CAMTA1: variants seen among roughly 807,000 people sequenced by gnomAD.
The protein encoded by CAMTA1 is calmodulin-binding transcription activator 1.
CAMTA1 carries 27 observed loss-of-function variants against 170.9 expected under a neutral mutation model. The observed-to-expected ratio is 0.16, with a 90% CI of 0.12 to 0.22. The LOEUF is 0.22. Ranked by LOEUF, CAMTA1 falls within the 10% of genes least tolerant of loss-of-function variation. The pLI is 1.00. For missense variants in CAMTA1, 1,619 were observed against 2,217.2 expected, an observed-to-expected ratio of 0.73 and a Z score of 5.42; for synonymous variants, 833 against 891.5, an observed-to-expected ratio of 0.93 and a Z score of 1.17.
At chr1:7,352,555 T>C (rs889264161) in intron 5 of CAMTA1, among the ~76,000 whole-genome samples, 2 of 152,184 alleles carry the variant, frequency 1.3e-5, no homozygotes, top group Non-Finnish European at 2.9e-5. Flanking sequence ...TGATTTCCTC[T>C]CCAGGGCAGA....
At position 7,293,598 on chromosome 1, in the gene CAMTA1, T is replaced by G. The variant is rs1431413406; in HGVS notation, c.438+43972T>G. ...CAGTTTGTATAATTTGGTGGTCTGT[T>G]TTCATCTTTTACAAGCAAAATGCTT... On this transcript the variant is annotated intron_variant, in intron 5 of 22. Coordinates refer to ENST00000303635, the MANE Select transcript of CAMTA1 (RefSeq NM_015215.4). The surrounding 1 kb of genome is among the most constrained non-coding windows in gnomAD (Gnocchi z 4.1). Among the ~76,000 whole-genome samples, 1 of 152,200 alleles carries G rather than the reference T, an allele frequency of 6.6e-6. No homozygotes were observed. Among genetic ancestry groups the G allele is most frequent in the Non-Finnish European group, 1.5e-5 (1 of 68,038 alleles).
At chr1:7,542,814 G>A (rs1000456689) in intron 6 of CAMTA1, among the ~76,000 whole-genome samples, 2 of 148,410 alleles carry the variant, frequency 1.3e-5, no homozygotes, top group African/African-American at 4.9e-5. Flanking sequence ...ACAGGTGTAA[G>A]CCACCACGCC....
At chr1:7,743,717 T>G (rs2096834942) in intron 16 of CAMTA1, among the ~76,000 whole-genome samples, 1 of 152,126 alleles carries the variant, frequency 6.6e-6, no homozygotes, top group Non-Finnish European at 1.5e-5. Flanking sequence ...GTGTTTCAGT[T>G]ACCACTCCTA....
chr1:7,284,156 CTTCTTCTTCTTCTTCTTCTTCTTATTA>C lies in CAMTA1; in HGVS notation c.438+34533_438+34559del, dbSNP rs1484974242. Among the ~76,000 whole-genome samples, 226 of 114,768 alleles carry C rather than the reference CTTCTTCTTCTTCTTCTTCTTCTTATTA, an allele frequency of 2.0e-3. 3 individuals carry two copies. Among genetic ancestry groups the C allele is most frequent in the African/African-American group, 7.6e-3 (217 of 28,414 alleles). 75.3% of individuals were successfully genotyped at this position (114,768 alleles called of 152,430 possible). On this transcript the variant is annotated intron_variant, in intron 5 of 22. Transcript: ENST00000303635. The stretch of plus-strand genomic sequence containing the variant: ...TCTTCTTCTTCTTCTTCTTCTTCTT[CTTCTTCTTCTTCTTCTTCTTCTTATTA>C]TTATTATTATTATTATTATTATTAT...
In CAMTA1 at chr1:7,228,055, T is replaced by A. The variant is rs192963345; in HGVS notation, c.303-21436T>A. 3.3e-5 allele frequency among the ~76,000 whole-genome samples: 5 copies of A among 152,348 alleles called. No individual in the cohort carries two copies. The East Asian group carries it at 9.6e-4, about 29-fold the overall frequency. ...TTCTATGAAATGATATGTCTGACAT[T>A]TACCAAATTTTTATGTGACAATTTA... On this transcript the variant is annotated intron_variant, in intron 4 of 22. Transcript: ENST00000303635.
chr1:7,453,965 G>T (rs796485687), intron 5 of CAMTA1, among the ~76,000 whole-genome samples: 151 of 152,382 alleles, frequency 9.9e-4, no homozygotes, highest in African/African-American at 3.6e-3. Flanking sequence ...GGTTGGTTCT[G>T]AAGAGAGCTG....
At chr1:7,753,594 T>G (rs947127448) in intron 21 of CAMTA1, among the ~76,000 whole-genome samples, 1 of 152,252 alleles carries the variant, frequency 6.6e-6, no homozygotes, top group African/African-American at 2.4e-5. Context: ...TATCTTGCCT[T>G]TAAGACTTAA....
At chr1:7,341,469 A>T (rs1051758071) in intron 5 of CAMTA1, among the ~76,000 whole-genome samples, 2 of 152,246 alleles carry the variant, frequency 1.3e-5, no homozygotes, top group African/African-American at 4.8e-5. Context: ...ATCTAAGAGC[A>T]AACAAAGTAG....
At chr1:7,107,472 C>G (rs544038937) in intron 4 of CAMTA1, among the ~76,000 whole-genome samples, 2 of 152,182 alleles carry the variant, frequency 1.3e-5, no homozygotes, top group East Asian at 3.9e-4. Context: ...TCGGGAGAGA[C>G]AATGCTTGGG....
intron 5 of CAMTA1, among the ~76,000 whole-genome samples, chr1:7,367,552 G>C (rs1362583536): frequency 7.2e-5 from 11 of 152,244 alleles, no homozygotes; most frequent in Admixed American, 7.2e-4. Flanking sequence ...GATTGAGATG[G>C]CACCTTTGGA....
intron 3 of CAMTA1, among the ~76,000 whole-genome samples, chr1:6,987,371 G>T (rs1466720514): frequency 6.6e-6 from 1 of 152,176 alleles, no homozygotes; most frequent in East Asian, 1.9e-4. Flanking sequence ...CACCATGTTG[G>T]CCAGGCTGGT....
intron 3 of CAMTA1, among the ~76,000 whole-genome samples, chr1:6,995,295 C>CTTTTCTTTTTTTTTTTTTTTT (rs1697047615): frequency 9.9e-5 from 6 of 60,618 alleles, no homozygotes; most frequent in South Asian, 1.6e-3. Context: ...TTTTTCTTTT[C>CTTTTCTTTTTTTTTTTTTTTT]TTTTTTTTTT....
intron 5 of CAMTA1, among the ~76,000 whole-genome samples, chr1:7,287,055 A>C (rs926019259): frequency 1.3e-4 from 20 of 152,242 alleles, no homozygotes; most frequent in African/African-American, 4.8e-4. Context: ...TCTAGCAGAG[A>C]TCAGCTGCCT....
intron 3 of CAMTA1, among the ~76,000 whole-genome samples, chr1:7,034,351 T>G (rs1427274356): frequency 2.0e-5 from 3 of 152,190 alleles, no homozygotes; most frequent in African/African-American, 7.2e-5. Flanking sequence ...GAGGGGGCTT[T>G]CACCATCTTG....
intron 11 of CAMTA1, among the ~76,000 whole-genome samples, chr1:7,687,384 G>A (rs1037948146): frequency 6.6e-6 from 1 of 152,082 alleles, no homozygotes; most frequent in Non-Finnish European, 1.5e-5. Flanking sequence ...CTCCAAGCAG[G>A]GGGAGGTGGG....
chr1:6,914,291 A>C (rs1680328481), intron 3 of CAMTA1, among the ~76,000 whole-genome samples: 2 of 151,930 alleles, frequency 1.3e-5, no homozygotes, highest in Admixed American at 6.6e-5. Flanking sequence ...TTTAGTAGAG[A>C]TGGGGTTTCA....
chr1:7,012,290 C>T (rs1218743579), intron 3 of CAMTA1, among the ~76,000 whole-genome samples: 2 of 152,156 alleles, frequency 1.3e-5, no homozygotes, highest in African/African-American at 4.8e-5. Flanking sequence ...TAGCTGTTGA[C>T]CTTGCCAGGT....
At chr1:7,434,044 C>A (rs752927714) in intron 5 of CAMTA1, among the ~76,000 whole-genome samples, 38 of 152,092 alleles carry the variant, frequency 2.5e-4, no homozygotes, top group Non-Finnish European at 4.7e-4. Flanking sequence ...GTCCCTCCCC[C>A]ACATCCCTTC....
chr1:7,671,138 T>C, intron 10 of CAMTA1, 101 bp downstream of exon 10: 1 of 1,281,464 alleles, frequency 7.8e-7, no homozygotes, highest in Non-Finnish European at 1.1e-6. Context: ...GTCATGTCCT[T>C]ACTCTAGGCC....
Sources: gnomAD v4.1 joint callset for allele counts (sites outside exome capture counted in the v4.1 genomes callset) on GRCh38, gnomAD v4.1.1 for gene constraint, Gnocchi (gnomAD v3.1) non-coding constraint, MANE v1.5 for transcripts, NCBI Gene and HGNC (gene_info 2026-07-23, HGNC 2026-07-21) for gene names.